DLGAP4: variants seen among roughly 807,000 people sequenced by gnomAD.
DLGAP4 encodes disks large-associated protein 4.
DLGAP4 carries 18 observed loss-of-function variants against 86.9 expected under a neutral mutation model. That is an observed-to-expected ratio of 0.21 (90% CI 0.14 to 0.31). DLGAP4 has a LOEUF of 0.31. DLGAP4 is among the 10% of genes least tolerant of loss of function. The probability of loss-of-function intolerance (pLI) is 1.00; values close to 1 mark genes in which losing one functional copy is unlikely to be tolerated. For synonymous variants in DLGAP4, 548 were observed against 574.3 expected, an observed-to-expected ratio of 0.95 and a Z score of 0.65; for missense variants, 1,085 against 1,362.6, an observed-to-expected ratio of 0.80 and a Z score of 3.21.
intron 10 of DLGAP4, among the ~76,000 whole-genome samples, chr20:36,517,246 C>T (rs2037096707): frequency 1.3e-5 from 2 of 151,890 alleles, no homozygotes; most frequent in South Asian, 4.2e-4. Context: ...AGGCGTGGTG[C>T]GGGCGCCTGT....
chr20:36,454,355 G>T (rs1399870000), intron 7 of DLGAP4, among the ~76,000 whole-genome samples: 1 of 151,856 alleles, frequency 6.6e-6, no homozygotes, highest in Non-Finnish European at 1.5e-5. Flanking sequence ...TTAGAATAAG[G>T]TCCTTTACTT....
chr20:36,458,971 G>A (rs988348361), intron 7 of DLGAP4, among the ~76,000 whole-genome samples: 14 of 152,348 alleles, frequency 9.2e-5, no homozygotes, highest in Admixed American at 3.3e-4. Context: ...GCCAGGTCGC[G>A]TGGGGACAGC....
chr20:36,390,396 C>T (rs187384012), intron 2 of DLGAP4, among the ~76,000 whole-genome samples: 4 of 152,166 alleles, frequency 2.6e-5, no homozygotes, highest in Non-Finnish European at 4.4e-5. Flanking sequence ...CAAACCCAAG[C>T]CTTCTGCCTC....
At chr20:36,476,017 C>T (rs1226632018) in intron 7 of DLGAP4, among the ~76,000 whole-genome samples, 1 of 151,708 alleles carries the variant, frequency 6.6e-6, no homozygotes, top group African/African-American at 2.4e-5. Flanking sequence ...CGCCACCACA[C>T]CTGGTTAATT....
chr20:36,310,179 AAAAAGAAAGAAAGAAAGAAAGAAAGAAAG>A (rs1290607527), intron 1 of DLGAP4, among the ~76,000 whole-genome samples: 8 of 111,878 alleles, frequency 7.2e-5, no homozygotes, highest in African/African-American at 1.9e-4. Flanking sequence ...ACAAAAAAAA[AAAAAGAAAGAAAGAAAGAAAGAAAGAAAG>A]AAAGAAAGAA....
chr20:36,324,963 C>T (rs1423614994), intron 1 of DLGAP4, among the ~76,000 whole-genome samples: 1 of 151,848 alleles, frequency 6.6e-6, no homozygotes, highest in Non-Finnish European at 1.5e-5. Context: ...ATTTGCTGTT[C>T]TGATGCTATT....
intron 2 of DLGAP4, among the ~76,000 whole-genome samples, chr20:36,409,903 G>T (rs1453779477): frequency 6.8e-6 from 1 of 146,640 alleles, no homozygotes; most frequent in Non-Finnish European, 1.5e-5. Context: ...GTATGGTGGC[G>T]GGCGCCTATA....
intron 7 of DLGAP4, among the ~76,000 whole-genome samples, chr20:36,473,596 T>C (rs1488479045): frequency 6.6e-6 from 1 of 152,218 alleles, no homozygotes; most frequent in Non-Finnish European, 1.5e-5. Context: ...GCAAATATGG[T>C]ATCAATTTTG....
chr20:36,502,763 G>A (rs1377964724), intron 10 of DLGAP4, among the ~76,000 whole-genome samples: 5 of 151,596 alleles, frequency 3.3e-5, no homozygotes, highest in African/African-American at 9.7e-5. Flanking sequence ...TTGCTCTGTC[G>A]CCCAGGCTGG....
At chr20:36,313,109 G>T (rs1381117265) in intron 1 of DLGAP4, among the ~76,000 whole-genome samples, 1 of 152,056 alleles carries the variant, frequency 6.6e-6, no homozygotes, top group Non-Finnish European at 1.5e-5. Flanking sequence ...CTGACCTGCC[G>T]CCTGGCTTCT....
At chr20:36,478,113 G>C (rs1218898671) in intron 7 of DLGAP4, among the ~76,000 whole-genome samples, 3 of 152,186 alleles carry the variant, frequency 2.0e-5, no homozygotes, top group Admixed American at 2.0e-4. Context: ...CTGTGTCATA[G>C]GACTAGAGTC....
chr20:36,404,297 C>T (rs1415945634), intron 2 of DLGAP4, among the ~76,000 whole-genome samples: 2 of 152,156 alleles, frequency 1.3e-5, no homozygotes. Flanking sequence ...GTCAGTGTGT[C>T]AGGCCAGCTG....
intron 7 of DLGAP4, among the ~76,000 whole-genome samples, chr20:36,493,606 C>T (rs917171170): frequency 6.6e-6 from 1 of 152,194 alleles, no homozygotes; most frequent in East Asian, 1.9e-4. Flanking sequence ...TCCCAGGGCC[C>T]AGCAGGATGC....
At chr20:36,416,657 T>C (rs1450001878) in intron 2 of DLGAP4, among the ~76,000 whole-genome samples, 2 of 152,202 alleles carry the variant, frequency 1.3e-5, no homozygotes, top group Non-Finnish European at 2.9e-5. Context: ...CCCCCGACTT[T>C]TAAGGTCAGG....
chr20:36,399,776 G>A (rs1261333659), intron 2 of DLGAP4, among the ~76,000 whole-genome samples: 1 of 152,190 alleles, frequency 6.6e-6, no homozygotes, highest in East Asian at 1.9e-4. Context: ...CAATGAGAAC[G>A]TGAGGTTTCC....
intron 7 of DLGAP4, among the ~76,000 whole-genome samples, chr20:36,448,898 C>A (rs187376113): frequency 6.6e-6 from 1 of 151,916 alleles, no homozygotes; most frequent in Non-Finnish European, 1.5e-5. Flanking sequence ...TGAGCCACTG[C>A]GCTCCAGCCT....
chr20:36,314,127 A>G (rs2065076451), intron 1 of DLGAP4, among the ~76,000 whole-genome samples: 1 of 151,872 alleles, frequency 6.6e-6, no homozygotes, highest in Non-Finnish European at 1.5e-5. Flanking sequence ...TTCCAGGGAC[A>G]GCGTGCTGGG....
At chr20:36,313,979 T>C (rs2065074947) in intron 1 of DLGAP4, among the ~76,000 whole-genome samples, 1 of 152,148 alleles carries the variant, frequency 6.6e-6, no homozygotes, top group South Asian at 2.1e-4. Context: ...TTTTCTGAGC[T>C]TCCCCACCTG....
At chr20:36,387,750 C>T (rs1258258240) in intron 2 of DLGAP4, among the ~76,000 whole-genome samples, 1 of 152,182 alleles carries the variant, frequency 6.6e-6, no homozygotes, top group Admixed American at 6.5e-5. Flanking sequence ...TAATTGAACA[C>T]CCTGTCCTTT....
Sources: allele counts gnomAD v4.1 joint callset (sites outside exome capture counted in the v4.1 genomes callset), GRCh38; gene constraint gnomAD v4.1.1; transcripts MANE v1.5; gene names NCBI Gene and HGNC (gene_info 2026-07-23, HGNC 2026-07-21).